Variants in VRK3 observed in about 807,000 individuals in gnomAD.
VRK3 encodes the protein VRK serine/threonine kinase 3.
A neutral mutation model predicts 60.4 loss-of-function variants in VRK3; 50 were observed. The ratio of observed to expected loss-of-function variants is 0.83; its 90% CI spans 0.66 to 1.05. The LOEUF (loss-of-function observed/expected upper bound fraction) is 1.05. Among genes scored for constraint, VRK3 ranks in the 50% least tolerant of loss-of-function variants. The pLI is 0.00. For synonymous variants in VRK3, 246 were observed against 227.8 expected, an observed-to-expected ratio of 1.08 and a Z score of -0.72; for missense variants, 549 against 585.3, an observed-to-expected ratio of 0.94 and a Z score of 0.64.
At position 49,988,505 on chromosome 19, in the gene VRK3, G is replaced by T. The variant is rs371207713; in HGVS notation, c.1097-13C>A. ...CGGCGGGAGGGCCCTGGGGAAGGAG[G>T]AGTAAAGGTGGCAGCTCAAGTCTGG... On this transcript the variant is annotated splice_polypyrimidine_tract_variant and intron_variant, in intron 11 of 14. Transcript: ENST00000316763. 52 of 1,611,232 alleles carry T rather than the reference G, an allele frequency of 3.2e-5. No individual in the cohort carries two copies. The African/African-American group carries it at 3.5e-4, about 11-fold the overall frequency.
intron 1 of VRK3, among the ~76,000 whole-genome samples, chr19:50,021,643 T>C (rs12971442): frequency 0.39 from 59,737 of 152,146 alleles, 12,935 homozygotes; most frequent in East Asian, 0.74. Flanking sequence ...ACAGGCCACC[T>C]CACTGTGCTC....
chr19:50,007,524 G>T, intron 5 of VRK3, 45 bp downstream of exon 5: 1 of 1,607,890 alleles, frequency 6.2e-7, no homozygotes, highest in Non-Finnish European at 8.5e-7. Flanking sequence ...CACTGTCCTG[G>T]TGCTGAGACG....
chr19:49,980,840 C>CA (rs2122998021), intron 13 of VRK3, 115 bp downstream of exon 13: 1 of 886,694 alleles, frequency 1.1e-6, no homozygotes, highest in Non-Finnish European at 1.7e-6. Context: ...ATTACAAATG[C>CA]AATTTGGAAA....
At chr19:49,988,345 A>C in intron 12 of VRK3, 27 bp downstream of exon 12, 1 of 1,592,046 alleles carries the variant, frequency 6.3e-7, no homozygotes, top group South Asian at 1.1e-5. Flanking sequence ...GACCACCTGC[A>C]GGGGTTCTGC....
At chr19:49,987,511 C>G (rs11879713) in intron 12 of VRK3, among the ~76,000 whole-genome samples, 1 of 152,156 alleles carries the variant, frequency 6.6e-6, no homozygotes, top group African/African-American at 2.4e-5. Context: ...TGTCCACCGG[C>G]TTTGGTGCTG....
intron 2 of VRK3, among the ~76,000 whole-genome samples, chr19:50,017,431 AGGCGTGG>A: frequency 6.6e-6 from 1 of 151,262 alleles, no homozygotes. Context: ...AAAATTAGCC[AGGCGTGG>A]TGGTGCACGC....
In VRK3 at chr19:49,980,978, C is replaced by T. The variant is rs1568769664; in HGVS notation, c.1253G>A (p.Cys418Tyr). Residue 418 changes from cysteine to tyrosine, a missense_variant, in exon 13 of 15, where the codon TGC becomes TAC. Cys to Tyr is a radical substitution (Grantham distance 194, BLOSUM62 -2). Coordinates refer to ENST00000316763, the MANE Select transcript of VRK3 (RefSeq NM_016440.4). ...VDKPGPFVGP[C>Y]GHWIRPSETL... is the part of the protein sequence containing the mutation. ...ACCTGAGGGCCTGATCCAGTGACCG[C>T]AGGGTCCCACGAAGGGCCCCGGCTT... 3.1e-6 allele frequency: 5 copies of T among 1,612,166 alleles called. No homozygotes were observed. Among genetic ancestry groups the T allele is most frequent in the East Asian group, 2.2e-5 (1 of 44,838 alleles).
intron 5 of VRK3, among the ~76,000 whole-genome samples, chr19:50,006,977 G>A (rs972759851): frequency 1.3e-5 from 2 of 152,026 alleles, no homozygotes; most frequent in Non-Finnish European, 2.9e-5. Flanking sequence ...ACCATGCATG[G>A]TGTTGGCCCC....
Position 50,025,361 on chromosome 19 carries a change from GCGAAAA to G in VRK3, c.-165_-160del, listed in dbSNP as rs1433530961. 1.3e-5 allele frequency: 2 copies of G among 152,238 alleles called. No individual in the cohort carries two copies. The highest frequency in any genetic ancestry group is 4.8e-5 in the African/African-American group (2 of 41,476). The allele number at this position is 152,238 out of a possible 1,614,324, so 9.4% of individuals were successfully genotyped here. Reference sequence around the variant, plus strand: ...CCGGACTCACCTTCTCAGTTGCCCAGCGAAAACTTCCGCTGGGCGGAGAGCGCTGCG... The same window carrying G: ...CCGGACTCACCTTCTCAGTTGCCCAGCTTCCGCTGGGCGGAGAGCGCTGCG... On this transcript the variant is annotated 5_prime_UTR_variant, in exon 1 of 15. Transcript: ENST00000316763.
intron 12 of VRK3, among the ~76,000 whole-genome samples, chr19:49,987,287 G>GTCCCTGGTGCTGAACCCACA (rs1168204405): frequency 1.3e-5 from 2 of 152,134 alleles, no homozygotes; most frequent in African/African-American, 4.8e-5. Flanking sequence ...GTGCTCCGCT[G>GTCCCTGGTGCTGAACCCACA]TCCCTGGTGC....
In VRK3 at chr19:49,988,212, G is replaced by A. The variant is rs944382801; in HGVS notation, c.1217+160C>T. On this transcript the variant is annotated intron_variant, in intron 12 of 14. Transcript: ENST00000316763. Reference sequence around the variant, plus strand: ...CTCCGGAACACCTGCCTCGCCTGCTGTGTGGACACTGCAGCACATGCCTGT... The same window carrying A: ...CTCCGGAACACCTGCCTCGCCTGCTATGTGGACACTGCAGCACATGCCTGT... The A allele has an allele frequency of 3.8e-5, 44 of 1,152,468 alleles. 1 individual carries two copies. In the Admixed American group the frequency reaches 9.5e-4, roughly 25 times the overall value. 71.4% of individuals were successfully genotyped at this position (1,152,468 alleles called of 1,614,324 possible).
intron 3 of VRK3, among the ~76,000 whole-genome samples, chr19:50,012,361 T>C (rs998715606): frequency 6.6e-6 from 1 of 152,212 alleles, no homozygotes; most frequent in Non-Finnish European, 1.5e-5. Context: ...CTTATATATG[T>C]TCCAGGGTCC....
chr19:49,992,751 G>C lies in VRK3; in HGVS notation c.963+109C>G, dbSNP rs948231968. On this transcript the variant is annotated intron_variant, in intron 10 of 14. Coordinates refer to ENST00000316763, the MANE Select transcript of VRK3 (RefSeq NM_016440.4). Reference sequence around the variant, plus strand: ...TTGAAGGAGCTCTTTATATATGATGGACAGCAATCCTTTGTCTGTAATAAG... The same window carrying C: ...TTGAAGGAGCTCTTTATATATGATGCACAGCAATCCTTTGTCTGTAATAAG... The C allele has an allele frequency of 3.1e-5, 30 of 973,160 alleles. No homozygotes were observed. The South Asian group carries it at 4.5e-4, about 15-fold the overall frequency. 60.3% of individuals were successfully genotyped at this position (973,160 alleles called of 1,614,324 possible).
intron 3 of VRK3, among the ~76,000 whole-genome samples, chr19:50,014,150 C>T (rs1009590932): frequency 6.6e-6 from 1 of 152,046 alleles, no homozygotes; most frequent in African/African-American, 2.4e-5. Flanking sequence ...ACCTGTAATC[C>T]CAACTACTCG....
chr19:50,008,421 C>G (rs2076938137), intron 4 of VRK3, among the ~76,000 whole-genome samples: 1 of 152,134 alleles, frequency 6.6e-6, no homozygotes, highest in Non-Finnish European at 1.5e-5. Context: ...CCACCATCCC[C>G]TAAAGGCAAG....
At position 50,006,046 on chromosome 19, in the gene VRK3, G is replaced by A. The variant is rs2076884836; in HGVS notation, c.547+1523C>T. Among the ~76,000 whole-genome samples, 4 of 149,130 alleles carry A rather than the reference G, an allele frequency of 2.7e-5. 1 individual carries two copies. The highest frequency in any genetic ancestry group is 7.8e-5 in the African/African-American group (3 of 38,512). On this transcript the variant is annotated intron_variant, in intron 5 of 14. Transcript: ENST00000316763. The stretch of plus-strand genomic sequence containing the variant: ...CATGCCTGTAATCCCAGCACTTTGG[G>A]AGGCTGAGGTAGGTGGATCACTTGA...
chr19:50,023,224 C>T lies in VRK3; in HGVS notation c.-65+2043G>A, dbSNP rs565024043. Among the ~76,000 whole-genome samples the T allele has an allele frequency of 9.9e-5, 15 of 152,262 alleles. No homozygotes were observed. In the East Asian group the frequency reaches 2.7e-3, roughly 27 times the overall value. ...TTTTGAGATGGAGTTTGGCTCTTTTCGCCCAGGCTGGAGTGCAATGGCACG... is the reference window on the plus strand; with the variant it reads ...TTTTGAGATGGAGTTTGGCTCTTTTTGCCCAGGCTGGAGTGCAATGGCACG... On this transcript the variant is annotated intron_variant, in intron 1 of 14. Transcript: ENST00000316763.
chr19:49,995,276 C>A lies in VRK3; in HGVS notation c.680-1G>T, dbSNP rs751937957. ...GAGTACAGCTTCTTCCACTTGTTGACTGCGGAAAGCAGGGGCTTGAGGTTA... is the reference window on the plus strand; with the variant it reads ...GAGTACAGCTTCTTCCACTTGTTGAATGCGGAAAGCAGGGGCTTGAGGTTA... On this transcript the variant is annotated splice_acceptor_variant, in intron 7 of 14. Transcript: ENST00000316763. LOFTEE classifies it high-confidence loss of function. The A allele has an allele frequency of 3.7e-6, 6 of 1,614,118 alleles. No homozygotes were observed. The highest frequency in any genetic ancestry group is 5.1e-6 in the Non-Finnish European group (6 of 1,179,994).
chr19:49,991,650 G>C (rs999446102), intron 10 of VRK3, among the ~76,000 whole-genome samples: 1 of 152,188 alleles, frequency 6.6e-6, no homozygotes, highest in East Asian at 1.9e-4. Flanking sequence ...GTTCAGGTCT[G>C]TTTCTGCCAG....
Sources: gnomAD v4.1 joint callset for allele counts (sites outside exome capture counted in the v4.1 genomes callset) on GRCh38, gnomAD v4.1.1 for gene constraint, MANE v1.5 for transcripts, NCBI Gene and HGNC (gene_info 2026-07-23, HGNC 2026-07-21) for gene names.